The following AKR1C4 variants were observed in gnomAD, a reference collection of about 807,000 sequenced individuals.
The protein encoded by AKR1C4 is aldo-keto reductase family 1 member C4.
AKR1C4 carries 44 observed loss-of-function variants against 41.0 expected under a neutral mutation model. That is an observed-to-expected ratio of 1.07 (90% CI 0.84 to 1.38). The LOEUF is 1.38. Ranked by LOEUF, AKR1C4 falls within the 40% of genes most tolerant of loss-of-function variation. AKR1C4 has a pLI of 0.00. For synonymous variants in AKR1C4, 165 were observed against 137.7 expected, an observed-to-expected ratio of 1.20 and a Z score of -1.39; for missense variants, 438 against 387.9, an observed-to-expected ratio of 1.13 and a Z score of -1.09.
intron 6 of AKR1C4, 37 bp downstream of exon 6, chr10:5,212,762 T>C (rs782567007): frequency 6.3e-7 from 1 of 1,595,332 alleles, no homozygotes; most frequent in South Asian, 1.1e-5. Context: ...TAAAATGCCA[T>C]TTTGATGAAA....
rs139370478 is a variant in AKR1C4 at position 5,200,323 on chromosome 10, G to C, written c.227G>C (p.Arg76Thr). ...RSKIADGSVK[R>T]EDIFYTSKLW... The stretch of plus-strand genomic sequence containing the variant: ...AAGATTGCAGATGGCAGTGTGAAGA[G>C]AGAAGACATATTCTACACTTCAAAG... Residue 76 changes from arginine to threonine, a missense_variant, in exon 2 of 9, where the codon AGA becomes ACA. Physicochemically the swap from Arg to Thr is moderately conservative, Grantham distance 71. Coordinates refer to ENST00000263126, the MANE Select transcript of AKR1C4 (RefSeq NM_001818.5). The C allele has an allele frequency of 2.8e-4, 446 of 1,614,060 alleles. 1 individual carries two copies. The African/African-American group carries it at 3.0e-3, about 11-fold the overall frequency.
intron 7 of AKR1C4, among the ~76,000 whole-genome samples, chr10:5,215,926 T>A (rs1832649866): frequency 6.6e-6 from 1 of 152,202 alleles, no homozygotes; most frequent in Non-Finnish European, 1.5e-5. Context: ...TTTTCAGACA[T>A]TTTTAGCAAT....
chr10:5,206,312 C>G lies in AKR1C4; in HGVS notation c.485C>G (p.Ser162Cys). 1.2e-6 allele frequency: 2 copies of G among 1,614,126 alleles called. No individual in the cohort carries two copies. The highest frequency in any genetic ancestry group is 1.7e-6 in the Non-Finnish European group (2 of 1,179,996). The change falls in exon 5 of 9, where the codon TCC becomes TGC. Residue 162 changes from serine to cysteine, a missense_variant. Coordinates refer to ENST00000263126, the MANE Select transcript of AKR1C4 (RefSeq NM_001818.5). ...EKCKDAGLAK[S>C]IGVSNFNCRQ... ...TGTAAGGATGCAGGATTGGCCAAGT[C>G]CATCGGGGTGTCAAACTTCAACTGC...
chr10:5,210,143 C>A (rs1218044209), intron 5 of AKR1C4, among the ~76,000 whole-genome samples: 1 of 152,178 alleles, frequency 6.6e-6, no homozygotes, highest in South Asian at 2.1e-4. Flanking sequence ...ATGACCCATG[C>A]AAGTCTGAAA....
intron 1 of AKR1C4, among the ~76,000 whole-genome samples, chr10:5,199,718 C>T (rs371957512): frequency 7.9e-5 from 12 of 152,078 alleles, no homozygotes; most frequent in African/African-American, 2.9e-4. Context: ...GAAAACGTTC[C>T]TACTCCATCC....
chr10:5,215,220 G>A (rs1421688869), intron 7 of AKR1C4, among the ~76,000 whole-genome samples: 2 of 152,128 alleles, frequency 1.3e-5, no homozygotes, highest in African/African-American at 4.8e-5. Flanking sequence ...ACAGTTTGAT[G>A]GTGATACAAT....
At chr10:5,213,266 T>G (rs1394198859) in intron 7 of AKR1C4, 107 bp downstream of exon 7, 2 of 1,502,068 alleles carry the variant, frequency 1.3e-6, no homozygotes, top group Admixed American at 4.3e-5. Flanking sequence ...CCTGGGCATT[T>G]CCTATGCACA....
intron 1 of AKR1C4, among the ~76,000 whole-genome samples, chr10:5,199,572 G>A (rs934065754): frequency 6.6e-6 from 1 of 152,100 alleles, no homozygotes; most frequent in Middle Eastern, 3.2e-3. Flanking sequence ...ATACACAGGT[G>A]GCTAGACATC....
At position 5,207,461 on chromosome 10, in the gene AKR1C4, T is replaced by C. The variant is rs1289579261; in HGVS notation, c.570+1064T>C. On this transcript the variant is annotated intron_variant, in intron 5 of 8. Transcript: ENST00000263126. ...TGCACAGATGGCATTGTGTTTGTTG[T>C]GGACTGTTGATGTTAACAGGATGGA... The C allele has an allele frequency of 1.1e-5, 4 of 374,704 alleles. No homozygotes were observed. The East Asian group carries it at 2.3e-4, about 22-fold the overall frequency. 23.2% of individuals were successfully genotyped at this position (374,704 alleles called of 1,614,324 possible). A position where few individuals can be genotyped will look rare whatever the true frequency, so the allele number is the denominator to read the frequency against.
rs782791538 is a variant in AKR1C4, at chr10:5,200,259, T to A, written c.163T>A (p.Tyr55Asn). The change falls in exon 2 of 9, where the codon TAC becomes AAC. Residue 55 changes from tyrosine (Y) to asparagine (N), a missense_variant. Transcript: ENST00000263126. Reference sequence around the variant, plus strand: ...CCGCCATATTGATTCTGCTTATTTATACAATAATGAGGAGCAGGTTGGACT... The same window carrying A: ...CCGCCATATTGATTCTGCTTATTTAAACAATAATGAGGAGCAGGTTGGACT... The part of the protein sequence containing the change: ...GFRHIDSAYL[Y>N]NNEEQVGLAI... The A allele has an allele frequency of 4.3e-6, 7 of 1,614,200 alleles. No homozygotes were observed. The Admixed American group carries it at 1.0e-4, about 23-fold the overall frequency.
chr10:5,208,130 G>C (rs1832518087), intron 5 of AKR1C4, among the ~76,000 whole-genome samples: 1 of 151,506 alleles, frequency 6.6e-6, no homozygotes, highest in South Asian at 2.1e-4. Flanking sequence ...CAACACTGAG[G>C]AAAATTTAGC....
chr10:5,203,357 G>A (rs1369068150), intron 2 of AKR1C4, among the ~76,000 whole-genome samples: 1 of 152,184 alleles, frequency 6.6e-6, no homozygotes, highest in Non-Finnish European at 1.5e-5. Context: ...TGTCCCCTGT[G>A]AGATAAAATA....
At chr10:5,206,133 C>G in intron 4 of AKR1C4, 142 bp from the exon 5 acceptor site, 1 of 1,412,698 alleles carries the variant, frequency 7.1e-7, no homozygotes, top group African/African-American at 1.4e-5. Flanking sequence ...CTTTTGTTAT[C>G]TGTTGTAATT....
In AKR1C4 at chr10:5,212,715, C is replaced by A. The variant is rs782757920; in HGVS notation, c.670C>A (p.His224Asn). The stretch of plus-strand genomic sequence containing the variant: ...CCACAGTGCTCTGGGAACCCAACGA[C>A]ATAAACTATGGTAATAAGAGCATCA... ...VAHSALGTQR[H>N]KLWVDPNSPV... is the part of the protein sequence containing the mutation. Residue 224 changes from histidine (H) to asparagine (N), a missense_variant, in exon 6 of 9, where the codon CAT becomes AAT. His to Asn is a moderately conservative substitution (Grantham distance 68, BLOSUM62 1). Coordinates refer to ENST00000263126, the MANE Select transcript of AKR1C4 (RefSeq NM_001818.5). 3.7e-6 allele frequency: 6 copies of A among 1,611,072 alleles called. No homozygotes were observed. The highest frequency in any genetic ancestry group is 5.1e-6 in the Non-Finnish European group (6 of 1,179,300).
intron 7 of AKR1C4, among the ~76,000 whole-genome samples, chr10:5,214,319 G>A (rs1297657222): frequency 1.3e-5 from 2 of 152,094 alleles, no homozygotes; most frequent in African/African-American, 4.8e-5. Flanking sequence ...TTAAGATTAT[G>A]TTGAATAGAA....
At chr10:5,198,560 A>C (rs142919214) in intron 1 of AKR1C4, among the ~76,000 whole-genome samples, 1 of 152,286 alleles carries the variant, frequency 6.6e-6, no homozygotes, top group East Asian at 1.9e-4. Context: ...CCTTGTAGTC[A>C]ACATTTCCCC....
At chr10:5,199,465 C>A (rs1463302933) in intron 1 of AKR1C4, among the ~76,000 whole-genome samples, 2 of 152,150 alleles carry the variant, frequency 1.3e-5, no homozygotes, top group African/African-American at 4.8e-5. Context: ...ACCACCCTGG[C>A]CTGCCATGCC....
chr10:5,216,517 A>G (rs1832659785), intron 7 of AKR1C4, among the ~76,000 whole-genome samples, 194 bp from the exon 8 acceptor site: 1 of 152,160 alleles, frequency 6.6e-6, no homozygotes, highest in Non-Finnish European at 1.5e-5. Context: ...TCAATATGTA[A>G]TATCTAGGAA....
intron 7 of AKR1C4, 93 bp downstream of exon 7, chr10:5,213,252 A>T: frequency 1.1e-5 from 17 of 1,539,372 alleles, no homozygotes; most frequent in Non-Finnish European, 1.5e-5. Flanking sequence ...GACTAAGTCC[A>T]CTTCCTGGGC....
Sources: allele counts gnomAD v4.1 joint callset (sites outside exome capture counted in the v4.1 genomes callset), GRCh38; gene constraint gnomAD v4.1.1; transcripts MANE v1.5; gene names NCBI Gene and HGNC (gene_info 2026-07-23, HGNC 2026-07-21).